EXOC6B: variants seen among roughly 807,000 people sequenced by gnomAD.
EXOC6B encodes the protein exocyst complex component 6B.
Under a neutral mutation model 113.5 loss-of-function variants are expected in EXOC6B, and 54 were observed. The ratio of observed to expected loss-of-function variants is 0.48; its 90% CI spans 0.38 to 0.60. EXOC6B has a LOEUF of 0.60. EXOC6B is among the 20% of genes least tolerant of loss of function. The probability of loss-of-function intolerance (pLI) is 0.00; values close to 1 mark genes in which losing one functional copy is unlikely to be tolerated. For missense variants in EXOC6B, 797 were observed against 977.5 expected (o/e 0.82, Z 2.46); for synonymous variants, 357 against 339.0 (o/e 1.05, Z -0.58).
intron 17 of EXOC6B, among the ~76,000 whole-genome samples, chr2:72,475,518 G>A (rs546381605): frequency 3.1e-4 from 47 of 152,246 alleles, no homozygotes; most frequent in African/African-American, 1.1e-3. Flanking sequence ...AACTGTGGAG[G>A]ACAGGGCTAG....
chr2:72,648,955 A>C (rs1384232243), intron 6 of EXOC6B, among the ~76,000 whole-genome samples: 4 of 152,172 alleles, frequency 2.6e-5, no homozygotes, highest in African/African-American at 9.7e-5. Context: ...AGCCTTGACA[A>C]GATGGTGAGA....
intron 1 of EXOC6B, among the ~76,000 whole-genome samples, chr2:72,750,991 T>C (rs1681998622): frequency 1.3e-5 from 2 of 151,954 alleles, no homozygotes; most frequent in Non-Finnish European, 2.9e-5. Context: ...TTAAAATTAA[T>C]ATGTATACAT....
intron 20 of EXOC6B, among the ~76,000 whole-genome samples, chr2:72,254,089 G>A (rs555764721): frequency 6.6e-6 from 1 of 151,660 alleles, no homozygotes; most frequent in East Asian, 2.0e-4. Context: ...GAACCCAGGA[G>A]GAGGAGGTTG....
chr2:72,654,455 C>A (rs1216188987), intron 6 of EXOC6B, among the ~76,000 whole-genome samples: 11 of 152,158 alleles, frequency 7.2e-5, no homozygotes, highest in Admixed American at 7.2e-4. Flanking sequence ...AGGAAATAAA[C>A]AACAATCACT....
At chr2:72,208,272 G>C (rs567408001) in intron 20 of EXOC6B, among the ~76,000 whole-genome samples, 2 of 151,664 alleles carry the variant, frequency 1.3e-5, no homozygotes, top group Admixed American at 6.6e-5. Flanking sequence ...AGTGTCTGTT[G>C]TTCCCATCTT....
At chr2:72,419,248 TATA>T (rs1320188666) in intron 18 of EXOC6B, among the ~76,000 whole-genome samples, 5 of 152,220 alleles carry the variant, frequency 3.3e-5, no homozygotes, top group Non-Finnish European at 2.9e-5. Context: ...AAACCAAAGT[TATA>T]ATAATATTAG....
chr2:72,277,846 CA>C (rs758725120), intron 20 of EXOC6B, among the ~76,000 whole-genome samples: 4 of 118,652 alleles, frequency 3.4e-5, no homozygotes, highest in Non-Finnish European at 6.3e-5. Context: ...AATTATACCC[CA>C]TTTTTTTTTA....
chr2:72,387,754 A>G (rs1257678876), intron 18 of EXOC6B, among the ~76,000 whole-genome samples: 8 of 151,970 alleles, frequency 5.3e-5, no homozygotes, highest in African/African-American at 1.9e-4. Flanking sequence ...TTCTTAACCA[A>G]TGTATTTTTT....
chr2:72,430,983 A>C (rs951354968), intron 18 of EXOC6B, among the ~76,000 whole-genome samples: 5 of 152,210 alleles, frequency 3.3e-5, no homozygotes, highest in Admixed American at 3.3e-4. Context: ...CTGAGTGCAT[A>C]ACCATAAAGG....
intron 8 of EXOC6B, among the ~76,000 whole-genome samples, chr2:72,554,484 C>T (rs1210848542): frequency 4.6e-5 from 7 of 152,168 alleles, no homozygotes; most frequent in Non-Finnish European, 8.8e-5. Context: ...GTGAGTCTCA[C>T]AAGATCTGAT....
intron 6 of EXOC6B, among the ~76,000 whole-genome samples, chr2:72,576,438 C>A (rs866781296): frequency 6.0e-4 from 91 of 152,144 alleles, no homozygotes; most frequent in Middle Eastern, 6.8e-3. Flanking sequence ...AAGCATTAAA[C>A]CACACATTAT....
chr2:72,778,271 T>G (rs758718931), intron 1 of EXOC6B, among the ~76,000 whole-genome samples: 1 of 152,036 alleles, frequency 6.6e-6, no homozygotes, highest in African/African-American at 2.4e-5. Context: ...AAGATAGAAA[T>G]AGGTTGGAAG....
intron 18 of EXOC6B, among the ~76,000 whole-genome samples, chr2:72,433,721 G>A (rs1380244476): frequency 6.6e-6 from 1 of 152,190 alleles, no homozygotes; most frequent in African/African-American, 2.4e-5. Context: ...TATTATTGGT[G>A]TATAGGAATG....
chr2:72,638,410 G>C (rs982396389), intron 6 of EXOC6B, among the ~76,000 whole-genome samples: 2 of 152,078 alleles, frequency 1.3e-5, no homozygotes, highest in African/African-American at 4.8e-5. Context: ...ATGCAACAAG[G>C]TGGCACAGCT....
intron 20 of EXOC6B, among the ~76,000 whole-genome samples, chr2:72,320,535 A>T (rs2104826512): frequency 6.6e-6 from 1 of 152,312 alleles, no homozygotes; most frequent in East Asian, 1.9e-4. Context: ...TAAAAATATG[A>T]ACCTTGGCCA....
intron 17 of EXOC6B, among the ~76,000 whole-genome samples, chr2:72,471,911 G>T (rs1440353149): frequency 6.6e-6 from 1 of 152,074 alleles, no homozygotes; most frequent in Non-Finnish European, 1.5e-5. Context: ...TATTTGGCTT[G>T]TTGGGAGTTT....
chr2:72,675,064 A>G (rs1392655069), intron 6 of EXOC6B, among the ~76,000 whole-genome samples: 1 of 152,196 alleles, frequency 6.6e-6, no homozygotes, highest in Non-Finnish European at 1.5e-5. Flanking sequence ...TTCTTTACAT[A>G]CCACTCAAAA....
intron 20 of EXOC6B, among the ~76,000 whole-genome samples, chr2:72,200,141 C>T (rs922838259): frequency 4.6e-5 from 7 of 152,258 alleles, no homozygotes; most frequent in African/African-American, 1.7e-4. Flanking sequence ...AGGTGATCCG[C>T]CCACCTTGGC....
chr2:72,529,715 G>T (rs939561237), intron 8 of EXOC6B, among the ~76,000 whole-genome samples: 1 of 152,032 alleles, frequency 6.6e-6, no homozygotes, highest in Admixed American at 6.6e-5. Flanking sequence ...CTCCTCCCTC[G>T]GCCTCCCAAA....
Sources: gnomAD v4.1 joint callset for allele counts (sites outside exome capture counted in the v4.1 genomes callset) on GRCh38, gnomAD v4.1.1 for gene constraint, MANE v1.5 for transcripts, NCBI Gene and HGNC (gene_info 2026-07-23, HGNC 2026-07-21) for gene names.